Variants in XKR6 observed in about 807,000 individuals in gnomAD.
XKR6 encodes XK-related protein 6.
A neutral mutation model predicts 56.7 loss-of-function variants in XKR6; 22 were observed. That is an observed-to-expected ratio of 0.39 (90% CI 0.28 to 0.55). The LOEUF (loss-of-function observed/expected upper bound fraction) is 0.55, where lower values mean the gene tolerates loss of function less well. Ranked by LOEUF, XKR6 falls within the 20% of genes least tolerant of loss-of-function variation. The pLI, the probability that XKR6 is intolerant of heterozygous loss-of-function variation, is 0.66. For missense variants in XKR6, 852 were observed against 889.0 expected (o/e 0.96, Z 0.53); for synonymous variants, 524 against 387.8 (o/e 1.35, Z -4.13).
chr8:10,927,168 A>T (rs1012410326), intron 1 of XKR6, among the ~76,000 whole-genome samples: 1 of 152,158 alleles, frequency 6.6e-6, no homozygotes, highest in Admixed American at 6.5e-5. Flanking sequence ...ATGGAGGGTG[A>T]TAGAAGGGCC....
intron 2 of XKR6, among the ~76,000 whole-genome samples, chr8:10,910,578 C>T (rs1039514879): frequency 6.6e-6 from 1 of 152,224 alleles, no homozygotes; most frequent in Non-Finnish European, 1.5e-5. Flanking sequence ...ACCACTGTGG[C>T]TCTCCTGGAC....
At chr8:11,038,574 G>A (rs1385446929) in intron 1 of XKR6, among the ~76,000 whole-genome samples, 9 of 147,804 alleles carry the variant, frequency 6.1e-5, no homozygotes, top group Non-Finnish European at 1.0e-4. Flanking sequence ...TCGCTCTGTC[G>A]CCTAGGCTGG....
intron 1 of XKR6, among the ~76,000 whole-genome samples, chr8:11,101,354 A>G (rs1798474633): frequency 6.6e-6 from 1 of 152,226 alleles, no homozygotes; most frequent in African/African-American, 2.4e-5. Flanking sequence ...CCGTGATTGG[A>G]TAACGTACAC....
intron 2 of XKR6, among the ~76,000 whole-genome samples, chr8:10,903,937 G>T (rs530950943): frequency 6.6e-6 from 1 of 152,246 alleles, no homozygotes; most frequent in Admixed American, 6.5e-5. Context: ...TGGCTCACTT[G>T]GAGAATTTCC....
intron 1 of XKR6, among the ~76,000 whole-genome samples, chr8:11,185,603 G>A (rs192790157): frequency 2.6e-5 from 4 of 152,234 alleles, no homozygotes; most frequent in Admixed American, 2.0e-4. Flanking sequence ...AGTTTCCTGG[G>A]AGATGGCACC....
chr8:11,093,421 G>T (rs1441326231), intron 1 of XKR6, among the ~76,000 whole-genome samples: 3 of 152,170 alleles, frequency 2.0e-5, no homozygotes, highest in Non-Finnish European at 4.4e-5. Flanking sequence ...TTAGCACGAA[G>T]ATGGCTATGC....
At chr8:11,170,427 G>C (rs530949624) in intron 1 of XKR6, among the ~76,000 whole-genome samples, 1 of 152,198 alleles carries the variant, frequency 6.6e-6, no homozygotes. Context: ...GTAACATTAT[G>C]TGAAAGTAAA....
chr8:11,136,952 G>T (rs1233035577), intron 1 of XKR6: 1 of 152,018 alleles, frequency 6.6e-6, no homozygotes. Flanking sequence ...CCCACCACAT[G>T]AATTCTTTTA....
At chr8:11,121,161 G>A (rs1338854093) in intron 1 of XKR6, among the ~76,000 whole-genome samples, 1 of 152,108 alleles carries the variant, frequency 6.6e-6, no homozygotes, top group African/African-American at 2.4e-5. Context: ...CAAAAGCAAT[G>A]GCAACAAAAG....
At chr8:11,126,294 C>G (rs767812647) in intron 1 of XKR6, among the ~76,000 whole-genome samples, 65 of 152,184 alleles carry the variant, frequency 4.3e-4, no homozygotes, top group Middle Eastern at 6.8e-3. Flanking sequence ...TCTTGAACTC[C>G]TGACCTTGTG....
At chr8:10,996,694 G>A (rs555868529) in intron 1 of XKR6, among the ~76,000 whole-genome samples, 12 of 152,306 alleles carry the variant, frequency 7.9e-5, no homozygotes, top group Admixed American at 7.2e-4. Flanking sequence ...AAAAGGGGCT[G>A]GCTTTAGGGA....
intron 1 of XKR6, among the ~76,000 whole-genome samples, chr8:11,116,810 C>A (rs977639613): frequency 8.5e-5 from 13 of 152,160 alleles, no homozygotes; most frequent in Admixed American, 2.6e-4. Context: ...TTCCTTCAAC[C>A]ACTTGATGTT....
chr8:11,020,691 A>G (rs536789800), intron 1 of XKR6, among the ~76,000 whole-genome samples: 1 of 152,294 alleles, frequency 6.6e-6, no homozygotes, highest in African/African-American at 2.4e-5. Flanking sequence ...TTCATGGGCT[A>G]TGGCTTTTCA....
chr8:11,053,143 G>A (rs914354285), intron 1 of XKR6, among the ~76,000 whole-genome samples: 6 of 152,240 alleles, frequency 3.9e-5, no homozygotes, highest in African/African-American at 1.4e-4. Flanking sequence ...ACACTGCGCA[G>A]GAGCAGCAGG....
At chr8:11,166,032 T>G (rs1802054311) in intron 1 of XKR6, among the ~76,000 whole-genome samples, 1 of 151,450 alleles carries the variant, frequency 6.6e-6, no homozygotes, top group Admixed American at 6.6e-5. Flanking sequence ...CTCAGCTCAC[T>G]GCAACCTCCA....
At chr8:11,150,647 G>C (rs964868259) in intron 1 of XKR6, among the ~76,000 whole-genome samples, 1 of 152,022 alleles carries the variant, frequency 6.6e-6, no homozygotes, top group African/African-American at 2.4e-5. Flanking sequence ...GAGGTCAGTA[G>C]TTTGAGAGCA....
At chr8:11,038,904 G>A (rs966319238) in intron 1 of XKR6, among the ~76,000 whole-genome samples, 1 of 152,094 alleles carries the variant, frequency 6.6e-6, no homozygotes, top group South Asian at 2.1e-4. Flanking sequence ...AGGCAGCTAG[G>A]TGGGCTTCTG....
rs146989976 is a variant in XKR6 at position 11,018,952 on chromosome 8, T to C, written c.765-94122A>G. On this transcript the variant is annotated intron_variant, in intron 1 of 2. Transcript: ENST00000416569. Reference sequence around the variant, plus strand: ...TCCTGCCACCATGCTCATCTGGAGATGACCCTCTGCCTGGGCCACCCTAGC... The same window carrying C: ...TCCTGCCACCATGCTCATCTGGAGACGACCCTCTGCCTGGGCCACCCTAGC... Among the ~76,000 whole-genome samples the C allele has an allele frequency of 6.3e-4, 96 of 152,304 alleles. 2 individuals carry two copies. In the East Asian group the frequency reaches 0.017, roughly 26 times the overall value.
intron 1 of XKR6, among the ~76,000 whole-genome samples, chr8:11,167,233 C>A (rs139518512): frequency 1.3e-5 from 2 of 152,206 alleles, no homozygotes; most frequent in Non-Finnish European, 2.9e-5. Context: ...CAGCAACCAA[C>A]TGAACACTGA....
Sources: gnomAD v4.1 joint callset for allele counts (sites outside exome capture counted in the v4.1 genomes callset) on GRCh38, gnomAD v4.1.1 for gene constraint, MANE v1.5 for transcripts, NCBI Gene and HGNC (gene_info 2026-07-23, HGNC 2026-07-21) for gene names.